The following GRM7 variants were observed in gnomAD, a reference collection of about 807,000 sequenced individuals.
GRM7 encodes the protein glutamate metabotropic receptor 7, also known as metabotropic glutamate receptor 7.
GRM7 carries 35 observed loss-of-function variants against 84.5 expected under a neutral mutation model. The ratio of observed to expected loss-of-function variants is 0.41; its 90% CI spans 0.32 to 0.55. The LOEUF (loss-of-function observed/expected upper bound fraction) is 0.55, where lower values mean the gene tolerates loss of function less well. Ranked by LOEUF, GRM7 falls within the 20% of genes least tolerant of loss-of-function variation. The pLI, the probability that GRM7 is intolerant of heterozygous loss-of-function variation, is 0.19. For synonymous variants in GRM7, 487 were observed against 455.1 expected, an observed-to-expected ratio of 1.07 and a Z score of -0.89; for missense variants, 1,003 against 1,194.6, an observed-to-expected ratio of 0.84 and a Z score of 2.36.
At chr3:6,867,969 T>C (rs538545078) in intron 1 of GRM7, among the ~76,000 whole-genome samples, 1 of 152,324 alleles carries the variant, frequency 6.6e-6, no homozygotes, top group South Asian at 2.1e-4. Context: ...AAATCAAATA[T>C]ATGAATTTCA....
At chr3:7,642,473 C>T (rs919607859) in intron 8 of GRM7, among the ~76,000 whole-genome samples, 10 of 152,076 alleles carry the variant, frequency 6.6e-5, no homozygotes, top group African/African-American at 1.4e-4. Flanking sequence ...TGAGTGGGTT[C>T]CTGCTTTCAT....
At chr3:7,066,653 A>G (rs1697677411) in intron 1 of GRM7, among the ~76,000 whole-genome samples, 1 of 151,844 alleles carries the variant, frequency 6.6e-6, no homozygotes, top group African/African-American at 2.4e-5. Flanking sequence ...GAAAGAAGGA[A>G]CTCTCCCTAA....
In GRM7 at chr3:7,578,562, G is replaced by C. The variant is rs1695074200; in HGVS notation, c.1656G>C (p.Gln552His). The C allele has an allele frequency of 6.2e-7, 1 of 1,614,012 alleles. No homozygotes were observed. Among genetic ancestry groups the C allele is most frequent in the South Asian group, 1.1e-5 (1 of 91,076 alleles). Residue 552 changes from glutamine to histidine, a missense_variant, in exon 8 of 10, where the codon CAG (glutamine) becomes CAC (histidine). Coordinates refer to ENST00000357716, the MANE Select transcript of GRM7 (RefSeq NM_000844.4). The part of the protein sequence containing the change: ...CWTCEPCDGY[Q>H]YQFDEMTCQH... The stretch of plus-strand genomic sequence containing the variant: ...CCTGTGAGCCTTGCGATGGTTACCA[G>C]TACCAGTTTGATGAGATGACATGCC...
At chr3:7,163,476 T>A (rs1186271040) in intron 2 of GRM7, among the ~76,000 whole-genome samples, 2 of 152,228 alleles carry the variant, frequency 1.3e-5, no homozygotes, top group African/African-American at 2.4e-5. Context: ...ACTTTGTGAG[T>A]GCCTACTCTG....
chr3:6,937,407 G>C (rs963394306), intron 1 of GRM7, among the ~76,000 whole-genome samples: 2 of 152,228 alleles, frequency 1.3e-5, no homozygotes, highest in African/African-American at 2.4e-5. Flanking sequence ...CCTGTGCTTA[G>C]AGAAAAGATC....
At chr3:7,473,047 G>A (rs557483689) in intron 7 of GRM7, among the ~76,000 whole-genome samples, 4 of 152,290 alleles carry the variant, frequency 2.6e-5, no homozygotes, top group Non-Finnish European at 4.4e-5. Flanking sequence ...GCTGCGAAAG[G>A]CAATGAAGCA....
At chr3:7,663,828 A>T (rs1404356740) in intron 8 of GRM7, among the ~76,000 whole-genome samples, 1 of 152,240 alleles carries the variant, frequency 6.6e-6, no homozygotes, top group Non-Finnish European at 1.5e-5. Flanking sequence ...AACAGCCTTT[A>T]TACGAATTCC....
chr3:7,355,393 G>C (rs1693349927), intron 4 of GRM7, among the ~76,000 whole-genome samples: 2 of 152,200 alleles, frequency 1.3e-5, no homozygotes, highest in South Asian at 4.1e-4. Flanking sequence ...TGTGCAAACT[G>C]TTCTGCCCCT....
At chr3:7,684,704 G>A (rs987839756) in intron 9 of GRM7, among the ~76,000 whole-genome samples, 1 of 152,116 alleles carries the variant, frequency 6.6e-6, no homozygotes, top group African/African-American at 2.4e-5. Context: ...ACTCCATTAT[G>A]TGTGGAATAA....
At chr3:6,894,790 T>C (rs1159172774) in intron 1 of GRM7, among the ~76,000 whole-genome samples, 1 of 152,152 alleles carries the variant, frequency 6.6e-6, no homozygotes, top group African/African-American at 2.4e-5. Context: ...TGGAAAAGCA[T>C]TCATCTGGAT....
chr3:7,414,844 T>C (rs1272535156), intron 4 of GRM7, among the ~76,000 whole-genome samples, 179 bp from the exon 5 acceptor site: 1 of 152,086 alleles, frequency 6.6e-6, no homozygotes, highest in Admixed American at 6.6e-5. Flanking sequence ...AGGAATTTAG[T>C]CATGGATTAA....
At chr3:7,472,312 A>G (rs1698734298) in intron 7 of GRM7, among the ~76,000 whole-genome samples, 1 of 152,226 alleles carries the variant, frequency 6.6e-6, no homozygotes, top group Non-Finnish European at 1.5e-5. Context: ...GGACTAAGAG[A>G]GTTCACATAA....
At chr3:6,940,355 G>C (rs534913016) in intron 1 of GRM7, among the ~76,000 whole-genome samples, 2 of 152,300 alleles carry the variant, frequency 1.3e-5, no homozygotes, top group East Asian at 3.9e-4. Flanking sequence ...CTCCGAAAGT[G>C]CTGGGATTAC....
intron 4 of GRM7, among the ~76,000 whole-genome samples, chr3:7,370,419 C>T (rs1038073120): frequency 1.3e-5 from 2 of 152,032 alleles, no homozygotes; most frequent in Non-Finnish European, 2.9e-5. Context: ...CCATAATTCC[C>T]ACATGTTGTG....
intron 2 of GRM7, among the ~76,000 whole-genome samples, chr3:7,156,503 A>C (rs1374943336): frequency 6.6e-6 from 1 of 152,142 alleles, no homozygotes; most frequent in African/African-American, 2.4e-5. Flanking sequence ...GCTGATTCTC[A>C]CTTTGACCGG....
Position 7,516,476 on chromosome 3 carries a change from CAAAAAAAAAAA to C in GRM7, c.1515+54773_1515+54783del, listed in dbSNP as rs34508559. Among the ~76,000 whole-genome samples, 39 of 42,472 alleles carry C rather than the reference CAAAAAAAAAAA, an allele frequency of 9.2e-4. 1 individual carries two copies. The highest frequency in any genetic ancestry group is 2.4e-3 in the African/African-American group (35 of 14,414). The allele number at this position is 42,472 out of a possible 152,430, so 27.9% of individuals were successfully genotyped here. ...TGGGCGGCAGAGCGAGACTCCCTCT[CAAAAAAAAAAA>C]AAAAAAAAAAAAAAAAAAGAAATAG... On this transcript the variant is annotated intron_variant, in intron 7 of 9. Transcript: ENST00000357716.
chr3:7,337,295 C>G (rs931434036), intron 4 of GRM7, among the ~76,000 whole-genome samples: 1 of 151,958 alleles, frequency 6.6e-6, no homozygotes, highest in African/African-American at 2.4e-5. Context: ...TCTAAGACCT[C>G]TAACCATACA....
chr3:7,173,058 C>A (rs1295518988), intron 2 of GRM7, among the ~76,000 whole-genome samples: 2 of 152,106 alleles, frequency 1.3e-5, no homozygotes, highest in Non-Finnish European at 2.9e-5. Flanking sequence ...CTATTAATTT[C>A]TCCATCATCC....
intron 9 of GRM7, among the ~76,000 whole-genome samples, chr3:7,738,692 G>C (rs1702582926): frequency 6.7e-6 from 1 of 150,086 alleles, no homozygotes; most frequent in Non-Finnish European, 1.5e-5. Flanking sequence ...GTGGTCTCAG[G>C]TATTTAGGTC....
Sources: gnomAD v4.1 joint callset for allele counts (sites outside exome capture counted in the v4.1 genomes callset) on GRCh38, gnomAD v4.1.1 for gene constraint, MANE v1.5 for transcripts, NCBI Gene and HGNC (gene_info 2026-07-23, HGNC 2026-07-21) for gene names.